The following HMCN1 variants were observed in gnomAD, a reference collection of about 807,000 sequenced individuals.
HMCN1 encodes hemicentin-1.
Under a neutral mutation model 625.9 loss-of-function variants are expected in HMCN1, and 321 were observed. That is an observed-to-expected ratio of 0.51 (90% CI 0.47 to 0.56). HMCN1 has a LOEUF of 0.56. Ranked by LOEUF, HMCN1 falls within the 20% of genes least tolerant of loss-of-function variation. The pLI, the probability that HMCN1 is intolerant of heterozygous loss-of-function variation, is 0.00. For synonymous variants in HMCN1, 2,425 were observed against 2,417.6 expected, an observed-to-expected ratio of 1.00 and a Z score of -0.09; for missense variants, 6,588 against 6,887.3, an observed-to-expected ratio of 0.96 and a Z score of 1.54.
intron 17 of HMCN1, among the ~76,000 whole-genome samples, chr1:185,981,542 C>A (rs1651636545): frequency 6.6e-6 from 1 of 152,026 alleles, no homozygotes; most frequent in Non-Finnish European, 1.5e-5. Flanking sequence ...AAGTTTATGT[C>A]CCCATGTCTA....
chr1:185,919,036 A>G (rs893035896), intron 6 of HMCN1, among the ~76,000 whole-genome samples: 3 of 151,256 alleles, frequency 2.0e-5, no homozygotes, highest in Non-Finnish European at 2.9e-5. Flanking sequence ...AAATAGAAAG[A>G]CATTAAGATA....
At chr1:185,877,300 T>G (rs1664004317) in intron 4 of HMCN1, among the ~76,000 whole-genome samples, 1 of 150,796 alleles carries the variant, frequency 6.6e-6, no homozygotes, top group African/African-American at 2.4e-5. Context: ...TCCATTCTAT[T>G]TCATTGATCT....
At chr1:185,956,299 C>A (rs1193103097) in intron 11 of HMCN1, among the ~76,000 whole-genome samples, 1 of 152,062 alleles carries the variant, frequency 6.6e-6, no homozygotes, top group Non-Finnish European at 1.5e-5. Context: ...ATTGAAGGCT[C>A]CGTCCTGCAA....
chr1:186,118,202 C>G (rs1402070823), intron 77 of HMCN1, among the ~76,000 whole-genome samples: 6 of 151,884 alleles, frequency 4.0e-5, no homozygotes, highest in Non-Finnish European at 5.9e-5. Context: ...ATAGGTGATT[C>G]ACGTTGGTGT....
intron 1 of HMCN1, among the ~76,000 whole-genome samples, chr1:185,816,077 T>A (rs538663075): frequency 7.1e-6 from 1 of 141,490 alleles, no homozygotes; most frequent in East Asian, 1.9e-4. Flanking sequence ...AAGGAATTAT[T>A]TTGCCTTAGC....
At chr1:186,069,625 T>A (rs568513857) in intron 50 of HMCN1, 38 bp from the exon 51 acceptor site, 1 of 1,353,746 alleles carries the variant, frequency 7.4e-7, no homozygotes, top group Admixed American at 1.7e-5. Context: ...ACTGTCACTG[T>A]GATTTTAGAG....
At chr1:186,120,907 A>G (rs931316559) in intron 80 of HMCN1, among the ~76,000 whole-genome samples, 2 of 152,238 alleles carry the variant, frequency 1.3e-5, no homozygotes, top group African/African-American at 4.8e-5. Context: ...TGAAATAATG[A>G]TAAATTCTGA....
chr1:185,894,662 T>G (rs1289249175), intron 4 of HMCN1, among the ~76,000 whole-genome samples: 1 of 152,248 alleles, frequency 6.6e-6, no homozygotes, highest in African/African-American at 2.4e-5. Flanking sequence ...TGGTGTTTTC[T>G]GTCTTTTTCA....
intron 91 of HMCN1, 117 bp from the exon 92 acceptor site, chr1:186,145,286 T>A: frequency 9.8e-7 from 1 of 1,021,088 alleles, no homozygotes; most frequent in South Asian, 1.8e-5. Flanking sequence ...GACTTGCATG[T>A]TTTGTTTTAG....
At chr1:185,885,781 A>T (rs931017547) in intron 4 of HMCN1, among the ~76,000 whole-genome samples, 1 of 151,986 alleles carries the variant, frequency 6.6e-6, no homozygotes, top group Non-Finnish European at 1.5e-5. Context: ...TAAAGGAGGG[A>T]TAGTGGCCAG....
chr1:185,808,917 T>G (rs960116516), intron 1 of HMCN1, among the ~76,000 whole-genome samples: 7 of 152,160 alleles, frequency 4.6e-5, no homozygotes, highest in African/African-American at 1.7e-4. Flanking sequence ...ATGTAATGGA[T>G]TAGCTGTTTG....
chr1:186,176,344 A>G (rs936734620), intron 103 of HMCN1, among the ~76,000 whole-genome samples: 4 of 152,208 alleles, frequency 2.6e-5, no homozygotes, highest in African/African-American at 9.6e-5. Context: ...TAAAACTTAT[A>G]ATGGTATGGA....
intron 7 of HMCN1, among the ~76,000 whole-genome samples, 171 bp downstream of exon 7, chr1:185,922,670 C>T (rs888835909): frequency 1.3e-5 from 2 of 152,098 alleles, no homozygotes; most frequent in Non-Finnish European, 2.9e-5. Flanking sequence ...AATCCCAAGA[C>T]CACTGATATA....
At chr1:185,837,100 G>T (rs544676397) in intron 1 of HMCN1, among the ~76,000 whole-genome samples, 1 of 150,316 alleles carries the variant, frequency 6.7e-6, no homozygotes, top group Non-Finnish European at 1.5e-5. Context: ...ACTGTTGATG[G>T]GCATTTAGGT....
intron 15 of HMCN1, among the ~76,000 whole-genome samples, chr1:185,973,855 G>C (rs1651006679): frequency 6.6e-6 from 1 of 152,154 alleles, no homozygotes. Context: ...CACAGGGTTT[G>C]AGACTTAGAC....
chr1:186,138,667 C>G (rs977746411), intron 89 of HMCN1, among the ~76,000 whole-genome samples: 1 of 152,142 alleles, frequency 6.6e-6, no homozygotes, highest in African/African-American at 2.4e-5. Context: ...TCACAGGGGC[C>G]TTATAATCTA....
chr1:185,944,829 G>A (rs1033556502), intron 11 of HMCN1, among the ~76,000 whole-genome samples: 5 of 152,222 alleles, frequency 3.3e-5, no homozygotes, highest in African/African-American at 1.2e-4. Context: ...ATTGCATGCA[G>A]TGCATGTCTG....
Position 186,171,331 on chromosome 1 carries a change from T to G in HMCN1, c.15575-6T>G. On this transcript the variant is annotated splice_region_variant and splice_polypyrimidine_tract_variant and intron_variant, in intron 100 of 106. Coordinates refer to ENST00000271588, the MANE Select transcript of HMCN1 (RefSeq NM_031935.3). ...CATATAATGAAAGTTTTGTTTTATT[T>G]AACAGATATTAATGAATGTCAAGAA... The G allele has an allele frequency of 6.2e-7, 1 of 1,603,244 alleles. No homozygotes were observed. Among genetic ancestry groups the G allele is most frequent in the Non-Finnish European group, 8.5e-7 (1 of 1,170,330 alleles).
chr1:186,144,128 A>T, intron 89 of HMCN1, 45 bp from the exon 90 acceptor site: 4 of 1,534,730 alleles, frequency 2.6e-6, no homozygotes, highest in Non-Finnish European at 3.5e-6. Context: ...GGTTTTAAAC[A>T]AACACGGTTC....
Sources: gnomAD v4.1 joint callset for allele counts (sites outside exome capture counted in the v4.1 genomes callset) on GRCh38, gnomAD v4.1.1 for gene constraint, MANE v1.5 for transcripts, NCBI Gene and HGNC (gene_info 2026-07-23, HGNC 2026-07-21) for gene names.